The following PPP2R2B variants were observed in gnomAD, a reference collection of about 807,000 sequenced individuals.
The protein encoded by PPP2R2B is serine/threonine-protein phosphatase 2A 55 kDa regulatory subunit B beta isoform.
In PPP2R2B, 5 loss-of-function variants were observed where a neutral mutation model predicts 46.0. That is an observed-to-expected ratio of 0.11 (90% CI 0.06 to 0.23). The LOEUF is 0.23. Ranked by LOEUF, PPP2R2B falls within the 10% of genes least tolerant of loss-of-function variation. The probability of loss-of-function intolerance (pLI) is 1.00; values close to 1 mark genes in which losing one functional copy is unlikely to be tolerated. For synonymous variants in PPP2R2B, 215 were observed against 206.7 expected, an observed-to-expected ratio of 1.04 and a Z score of -0.34; for missense variants, 367 against 575.0, an observed-to-expected ratio of 0.64 and a Z score of 3.70.
upstream of PPP2R2B, among the ~76,000 whole-genome samples, chr5:147,058,242 C>T (rs1757151367): frequency 6.6e-6 from 1 of 152,078 alleles, no homozygotes. Context: ...ACGTGAAGGT[C>T]CTTTACAGCA....
chr5:147,026,980 T>C (rs1371050072), intron 1 of PPP2R2B, among the ~76,000 whole-genome samples: 1 of 152,204 alleles, frequency 6.6e-6, no homozygotes, highest in Non-Finnish European at 1.5e-5. Flanking sequence ...AAAAGCTTTC[T>C]AAAACACAGT....
At chr5:146,704,243 A>T (rs1023286679) in intron 2 of PPP2R2B, among the ~76,000 whole-genome samples, 1 of 152,218 alleles carries the variant, frequency 6.6e-6, no homozygotes, top group Non-Finnish European at 1.5e-5. Context: ...TTGTGTTTGC[A>T]GCATGCTCTT....
intron 1 of PPP2R2B, among the ~76,000 whole-genome samples, chr5:146,975,083 A>C (rs931343446): frequency 6.6e-6 from 1 of 152,144 alleles, no homozygotes; most frequent in Non-Finnish European, 1.5e-5. Flanking sequence ...GTGTTACATA[A>C]ACTCACATTA....
intron 7 of PPP2R2B, among the ~76,000 whole-genome samples, chr5:146,631,802 T>C (rs1243313336): frequency 6.6e-6 from 1 of 152,052 alleles, no homozygotes; most frequent in Non-Finnish European, 1.5e-5. Flanking sequence ...TCCTGGTCCT[T>C]TGGTCCTTTG....
chr5:146,962,309 G>C, intron 1 of PPP2R2B, among the ~76,000 whole-genome samples: 1 of 151,360 alleles, frequency 6.6e-6, no homozygotes, highest in East Asian at 1.9e-4. Context: ...GAAGAAGGTA[G>C]AAGAATTTGG....
intron 1 of PPP2R2B, among the ~76,000 whole-genome samples, chr5:146,939,272 A>G (rs1165884200): frequency 1.3e-5 from 2 of 152,172 alleles, no homozygotes; most frequent in Non-Finnish European, 2.9e-5. Context: ...AAAGGAGAAA[A>G]TAAAAATAAA....
intron 2 of PPP2R2B, among the ~76,000 whole-genome samples, chr5:146,853,555 G>A (rs1760474771): frequency 6.6e-6 from 1 of 152,064 alleles, no homozygotes; most frequent in South Asian, 2.1e-4. Flanking sequence ...AGATAATAAT[G>A]ATGCCTACCT....
intron 1 of PPP2R2B, among the ~76,000 whole-genome samples, chr5:146,920,098 CA>C (rs1763542592): frequency 6.6e-6 from 1 of 152,114 alleles, no homozygotes; most frequent in Admixed American, 6.5e-5. Context: ...GGCACATAAT[CA>C]GGCCGTACAT....
At chr5:146,668,125 T>C (rs1777124506) in intron 5 of PPP2R2B, among the ~76,000 whole-genome samples, 1 of 152,214 alleles carries the variant, frequency 6.6e-6, no homozygotes, top group Admixed American at 6.5e-5. Flanking sequence ...CATTCCTCCT[T>C]TCTTATATGT....
intron 2 of PPP2R2B, among the ~76,000 whole-genome samples, chr5:146,795,346 T>C (rs1389513010): frequency 6.6e-6 from 1 of 152,106 alleles, no homozygotes; most frequent in Non-Finnish European, 1.5e-5. Context: ...GCAAAACAAA[T>C]ATTATTCAGC....
chr5:146,979,817 G>T (rs1265349033), intron 1 of PPP2R2B, among the ~76,000 whole-genome samples: 1 of 152,058 alleles, frequency 6.6e-6, no homozygotes, highest in Non-Finnish European at 1.5e-5. Context: ...TGTAATAAAA[G>T]TTATGTGAAT....
At chr5:146,671,183 C>T (rs1029328324) in intron 5 of PPP2R2B, among the ~76,000 whole-genome samples, 2 of 152,110 alleles carry the variant, frequency 1.3e-5, no homozygotes, top group South Asian at 2.1e-4. Context: ...AACACATATC[C>T]TAGACTTTGG....
At chr5:146,995,957 G>A (rs747771325) in intron 1 of PPP2R2B, among the ~76,000 whole-genome samples, 10 of 152,114 alleles carry the variant, frequency 6.6e-5, no homozygotes, top group Non-Finnish European at 1.2e-4. Context: ...TTTGTTCTGA[G>A]GCAGAGTTCA....
chr5:147,044,111 G>C (rs1048729015), intron 1 of PPP2R2B, among the ~76,000 whole-genome samples: 2 of 152,084 alleles, frequency 1.3e-5, no homozygotes, highest in Non-Finnish European at 2.9e-5. Flanking sequence ...CCACCCTGAA[G>C]TCACAGGGCC....
chr5:147,081,044 G>A, intron 2 of PPP2R2B: 1 of 1,532,030 alleles, frequency 6.5e-7, no homozygotes, highest in Non-Finnish European at 8.7e-7. Flanking sequence ...AAAAGGGCAT[G>A]GGGATTTCTC....
intron 4 of PPP2R2B, among the ~76,000 whole-genome samples, chr5:146,696,215 G>T (rs774645382): frequency 2.0e-5 from 3 of 151,288 alleles, no homozygotes; most frequent in Non-Finnish European, 2.9e-5. Context: ...GCCATTATCC[G>T]GCCTCAGCCT....
chr5:146,725,588 T>C lies in PPP2R2B; in HGVS notation c.71-24446A>G, dbSNP rs145934120. ...TTACAAGACATATCGATTTTTAGTGTACTATCCTCTTCTCAGCACAGAAAA... is the reference window on the plus strand; with the variant it reads ...TTACAAGACATATCGATTTTTAGTGCACTATCCTCTTCTCAGCACAGAAAA... On this transcript the variant is annotated intron_variant, in intron 2 of 9. Coordinates refer to ENST00000394411, the MANE Select transcript of PPP2R2B (RefSeq NM_181675.4). 2.6e-5 allele frequency among the ~76,000 whole-genome samples: 4 copies of C among 152,334 alleles called. No individual in the cohort carries two copies. The East Asian group carries it at 7.7e-4, about 29-fold the overall frequency.
chr5:146,651,751 C>T (rs762859698), intron 5 of PPP2R2B, among the ~76,000 whole-genome samples: 11 of 152,154 alleles, frequency 7.2e-5, no homozygotes, highest in Admixed American at 1.3e-4. Context: ...AACTGAGCCC[C>T]GACTGATTTG....
At chr5:147,009,460 T>C (rs1384584414) in intron 1 of PPP2R2B, among the ~76,000 whole-genome samples, 1 of 152,178 alleles carries the variant, frequency 6.6e-6, no homozygotes, top group African/African-American at 2.4e-5. Flanking sequence ...CTAAATCCTC[T>C]TTGTTTTGAA....
Sources: gnomAD v4.1 joint callset for allele counts (sites outside exome capture counted in the v4.1 genomes callset) on GRCh38, gnomAD v4.1.1 for gene constraint, MANE v1.5 for transcripts, NCBI Gene and HGNC (gene_info 2026-07-23, HGNC 2026-07-21) for gene names.